SEPTIN14: variants seen among roughly 807,000 people sequenced by gnomAD.
SEPTIN14 encodes septin-14.
A neutral mutation model predicts 53.6 loss-of-function variants in SEPTIN14; 40 were observed. The ratio of observed to expected loss-of-function variants is 0.75; its 90% CI spans 0.58 to 0.97. SEPTIN14 has a LOEUF of 0.97. Among genes scored for constraint, SEPTIN14 ranks in the 50% least tolerant of loss-of-function variants. The pLI is 0.00. For synonymous variants in SEPTIN14, 138 were observed against 166.8 expected, an observed-to-expected ratio of 0.83 and a Z score of 1.33; for missense variants, 471 against 508.2, an observed-to-expected ratio of 0.93 and a Z score of 0.70.
chr7:55,843,528 G>C (rs546621734), intron 4 of SEPTIN14, among the ~76,000 whole-genome samples: 4 of 152,248 alleles, frequency 2.6e-5, no homozygotes, highest in African/African-American at 9.6e-5. Flanking sequence ...AGTCAGAATG[G>C]CTATTGTTAA....
At chr7:55,834,151 G>C (rs978376589) in intron 6 of SEPTIN14, among the ~76,000 whole-genome samples, 1 of 151,896 alleles carries the variant, frequency 6.6e-6, no homozygotes, top group East Asian at 1.9e-4. Context: ...CAAATTCTTT[G>C]AAAAAATAGA....
intron 9 of SEPTIN14, chr7:55,798,490 C>T (rs1788471076): frequency 1.4e-5 from 4 of 295,896 alleles, no homozygotes; most frequent in African/African-American, 4.5e-5. Flanking sequence ...TGTCTCCTGA[C>T]ACCCAGTTGC....
In SEPTIN14 at chr7:55,795,921, T is replaced by G; in HGVS notation, c.1291A>C (p.Lys431Gln). The G allele has an allele frequency of 6.3e-7, 1 of 1,591,982 alleles. No individual in the cohort carries two copies. Among genetic ancestry groups the G allele is most frequent in the Non-Finnish European group, 8.5e-7 (1 of 1,175,890 alleles). ...STDTKKDKHR[K>Q]K Reference sequence around the variant, plus strand: ...AATAGTAAGAGAAACTATTATTTCTTACGATGTTTGTCTTTCTTTGTATCG... The same window carrying G: ...AATAGTAAGAGAAACTATTATTTCTGACGATGTTTGTCTTTCTTTGTATCG... Residue 431 changes from lysine to glutamine, a missense_variant, in exon 10 of 10, where the codon AAG becomes CAG. Transcript: ENST00000388975.
At chr7:55,852,610 T>A (rs955575635) in intron 2 of SEPTIN14, among the ~76,000 whole-genome samples, 2 of 152,130 alleles carry the variant, frequency 1.3e-5, no homozygotes, top group African/African-American at 2.4e-5. Context: ...GGGGAAACTT[T>A]CCAGGACATT....
At chr7:55,802,584 G>A (rs934800121) in intron 9 of SEPTIN14, among the ~76,000 whole-genome samples, 2 of 152,048 alleles carry the variant, frequency 1.3e-5, no homozygotes, top group Non-Finnish European at 2.9e-5. Context: ...CAAAACATAT[G>A]TAAATCTCAA....
chr7:55,822,062 A>C (rs1188181191), intron 6 of SEPTIN14, among the ~76,000 whole-genome samples: 1 of 152,174 alleles, frequency 6.6e-6, no homozygotes, highest in Non-Finnish European at 1.5e-5. Flanking sequence ...TCACAAGAAT[A>C]GCACAGGAAA....
intron 9 of SEPTIN14, among the ~76,000 whole-genome samples, chr7:55,804,494 G>A (rs1788582335): frequency 6.6e-6 from 1 of 152,006 alleles, no homozygotes; most frequent in Admixed American, 6.6e-5. Context: ...CCTGGCTTTA[G>A]GGGATCCGCC....
chr7:55,838,408 A>G (rs931298229), intron 5 of SEPTIN14, among the ~76,000 whole-genome samples: 1 of 152,000 alleles, frequency 6.6e-6, no homozygotes, highest in Non-Finnish European at 1.5e-5. Flanking sequence ...AGTAAATTTT[A>G]TTTTAAAAAT....
intron 2 of SEPTIN14, among the ~76,000 whole-genome samples, chr7:55,860,593 C>T (rs1038695578): frequency 6.6e-6 from 1 of 152,098 alleles, no homozygotes; most frequent in African/African-American, 2.4e-5. Context: ...ACATGAAGCA[C>T]CCTGACTTGA....
At chr7:55,830,385 C>T in intron 6 of SEPTIN14, among the ~76,000 whole-genome samples, 1 of 115,600 alleles carries the variant, frequency 8.7e-6, no homozygotes, top group Non-Finnish European at 1.7e-5. Context: ...CTCGCTCTGT[C>T]TACCAGGCTG....
chr7:55,853,915 G>A (rs1332081908), intron 2 of SEPTIN14, among the ~76,000 whole-genome samples: 1 of 152,038 alleles, frequency 6.6e-6, no homozygotes, highest in Non-Finnish European at 1.5e-5. Flanking sequence ...AGGAGTTCGA[G>A]ACCAATCTGG....
intron 9 of SEPTIN14, among the ~76,000 whole-genome samples, chr7:55,796,685 C>T (rs151025973): frequency 0.078 from 11,924 of 151,916 alleles, 1,142 homozygotes; most frequent in African/African-American, 0.23. Flanking sequence ...GAGGCCAAGG[C>T]AGAAGGATCG....
chr7:55,813,446 G>C (rs1354571018), intron 7 of SEPTIN14, among the ~76,000 whole-genome samples: 1 of 152,166 alleles, frequency 6.6e-6, no homozygotes, highest in Non-Finnish European at 1.5e-5. Flanking sequence ...AGAGCCAGTG[G>C]AATAGGAATG....
chr7:55,842,603 A>G (rs1478548424), intron 5 of SEPTIN14, among the ~76,000 whole-genome samples: 2 of 141,408 alleles, frequency 1.4e-5, no homozygotes, highest in Admixed American at 1.4e-4. Flanking sequence ...ACCCTGCCTC[A>G]AATACAAAAA....
chr7:55,805,823 G>A (rs537773224), intron 8 of SEPTIN14, among the ~76,000 whole-genome samples: 1 of 152,018 alleles, frequency 6.6e-6, no homozygotes, highest in Non-Finnish European at 1.5e-5. Flanking sequence ...ATAACATTCA[G>A]GGAAACCTCT....
In SEPTIN14 at chr7:55,843,349, G is replaced by A. The variant is rs570383792; in HGVS notation, c.372-221C>T. 1.7e-4 allele frequency among the ~76,000 whole-genome samples: 26 copies of A among 152,272 alleles called. No individual in the cohort carries two copies. In the East Asian group the frequency reaches 4.4e-3, roughly 26 times the overall value. On this transcript the variant is annotated intron_variant, in intron 4 of 9. Coordinates refer to ENST00000388975, the MANE Select transcript of SEPTIN14 (RefSeq NM_207366.3). ...ATGTAAACATAGAGGAAAGCTGGGT[G>A]CATCCGACAGGGGACTAGTATCCAG...
intron 7 of SEPTIN14, among the ~76,000 whole-genome samples, chr7:55,810,507 C>T (rs1425929468): frequency 1.5e-5 from 2 of 129,974 alleles, no homozygotes; most frequent in Non-Finnish European, 3.1e-5. Context: ...CAGAGTCTTG[C>T]TCTGTCACCC....
At chr7:55,818,497 A>C (rs1369494086) in intron 7 of SEPTIN14, among the ~76,000 whole-genome samples, 1 of 143,800 alleles carries the variant, frequency 7.0e-6, no homozygotes, top group Non-Finnish European at 1.5e-5. Flanking sequence ...AAAAAAAATC[A>C]TTTGGAAACC....
intron 5 of SEPTIN14, among the ~76,000 whole-genome samples, chr7:55,842,530 G>A (rs954688330): frequency 4.6e-5 from 7 of 151,800 alleles, no homozygotes; most frequent in South Asian, 2.1e-4. Context: ...TTGAGCCCAG[G>A]AGGTTGAGGC....
Sources: gnomAD v4.1 joint callset for allele counts (sites outside exome capture counted in the v4.1 genomes callset) on GRCh38, gnomAD v4.1.1 for gene constraint, MANE v1.5 for transcripts, NCBI Gene and HGNC (gene_info 2026-07-23, HGNC 2026-07-21) for gene names.